ADAM2: variants seen among roughly 807,000 people sequenced by gnomAD.
The protein encoded by ADAM2 is disintegrin and metalloproteinase domain-containing protein 2.
Under a neutral mutation model 99.3 loss-of-function variants are expected in ADAM2, and 101 were observed. The ratio of observed to expected loss-of-function variants is 1.02; its 90% CI spans 0.87 to 1.20. The LOEUF is 1.20. Ranked by LOEUF, ADAM2 falls within the 50% of genes most tolerant of loss-of-function variation. ADAM2 has a pLI of 0.00. For synonymous variants in ADAM2, 323 were observed against 287.6 expected (o/e 1.12, Z -1.25); for missense variants, 948 against 878.7 (o/e 1.08, Z -1.00).
intron 11 of ADAM2, among the ~76,000 whole-genome samples, chr8:39,772,222 AT>A (rs1563347700): frequency 1.3e-5 from 2 of 150,224 alleles, no homozygotes; most frequent in African/African-American, 5.0e-5. Flanking sequence ...TTCATTCTCT[AT>A]TCTCTCACTT....
Position 39,788,105 on chromosome 8 carries a change from A to T in ADAM2, c.789T>A (p.His263Gln). ...CTTACACAAGTAAAAATGCCACATCATGAGGACGTAAAACAAGATAAGATG... is the reference window on the plus strand; with the variant it reads ...CTTACACAAGTAAAAATGCCACATCTTGAGGACGTAAAACAAGATAAGATG... ...WKTSYLVLRP[H>Q]DVAFLLVYRE... The change falls in exon 9 of 21, where the codon CAT becomes CAA. Residue 263 changes from histidine to glutamine, a missense_variant. Coordinates refer to ENST00000265708, the MANE Select transcript of ADAM2 (RefSeq NM_001464.5). 6.5e-7 allele frequency: 1 copy of T among 1,547,734 alleles called. No homozygotes were observed. Among genetic ancestry groups the T allele is most frequent in the Non-Finnish European group, 8.7e-7 (1 of 1,150,500 alleles).
intron 11 of ADAM2, 120 bp downstream of exon 11, chr8:39,776,905 C>G (rs1803011506): frequency 1.6e-6 from 1 of 627,608 alleles, no homozygotes; most frequent in African/African-American, 1.9e-5. Context: ...ACATTTTGGT[C>G]CTGGAGTCCT....
intron 9 of ADAM2, 96 bp downstream of exon 9, chr8:39,787,988 AG>A: frequency 1.3e-6 from 1 of 792,684 alleles, no homozygotes; most frequent in South Asian, 3.8e-5. Flanking sequence ...AGAAAAAAAT[AG>A]ATTTTTTTAA....
At chr8:39,769,857 T>A (rs189328931) in intron 11 of ADAM2, among the ~76,000 whole-genome samples, 1 of 152,344 alleles carries the variant, frequency 6.6e-6, no homozygotes, top group African/African-American at 2.4e-5. Context: ...TGCCCCATGC[T>A]GTTTCATTTG....
At chr8:39,749,577 G>A in intron 17 of ADAM2, 90 bp downstream of exon 17, 1 of 1,279,472 alleles carries the variant, frequency 7.8e-7, no homozygotes, top group Non-Finnish European at 1.1e-6. Flanking sequence ...GTGTGTGTGT[G>A]TGTGTGTGCG....
At chr8:39,779,972 G>T (rs896788115) in intron 10 of ADAM2, among the ~76,000 whole-genome samples, 1 of 151,880 alleles carries the variant, frequency 6.6e-6, no homozygotes, top group Non-Finnish European at 1.5e-5. Flanking sequence ...AGATGTTCAC[G>T]CCAATTCAAA....
chr8:39,804,099 A>T (rs1056561769), intron 7 of ADAM2, among the ~76,000 whole-genome samples: 3 of 152,190 alleles, frequency 2.0e-5, no homozygotes, highest in African/African-American at 7.2e-5. Flanking sequence ...GAGTTTGTGG[A>T]TGTTCTCTTC....
chr8:39,755,694 T>C, intron 16 of ADAM2, 34 bp downstream of exon 16: 1 of 1,534,436 alleles, frequency 6.5e-7, no homozygotes, highest in Non-Finnish European at 9.0e-7. Flanking sequence ...GTCTAAAATA[T>C]TAGGAAATTA....
At position 39,766,952 on chromosome 8, in the gene ADAM2, T is replaced by C. The variant is rs768784812; in HGVS notation, c.1403A>G (p.Asn468Ser). 3 of 1,614,076 alleles carry C rather than the reference T, an allele frequency of 1.9e-6. No individual in the cohort carries two copies. Among genetic ancestry groups the C allele is most frequent in the Non-Finnish European group, 1.7e-6 (2 of 1,179,994 alleles). ...CNGSSASCPE[N>S]HYVQTGHPCG... ...CGGATGCCCAGTCTGAACATAGTGG[T>C]TTTCTGGGCATGATGCAGATGATCC... Residue 468 changes from asparagine (N) to serine (S), a missense_variant, in exon 14 of 21, where the codon AAC (asparagine) becomes AGC (serine). Physicochemically the swap from Asn to Ser is conservative, Grantham distance 46. Transcript: ENST00000265708.
intron 11 of ADAM2, among the ~76,000 whole-genome samples, chr8:39,774,465 A>C (rs1802910240): frequency 6.6e-6 from 1 of 152,076 alleles, no homozygotes; most frequent in African/African-American, 2.4e-5. Context: ...GCTGCAGGAT[A>C]CAAGCTCAAT....
chr8:39,746,842 G>A (rs1370230990), intron 18 of ADAM2, among the ~76,000 whole-genome samples: 2 of 152,022 alleles, frequency 1.3e-5, no homozygotes, highest in Non-Finnish European at 2.9e-5. Context: ...ATATATGGTG[G>A]GCTGATACTT....
intron 7 of ADAM2, among the ~76,000 whole-genome samples, chr8:39,798,253 T>C (rs916788448): frequency 6.6e-6 from 1 of 152,212 alleles, no homozygotes. Flanking sequence ...CATGAAGGGA[T>C]GTTGAATTTT....
chr8:39,789,895 C>A (rs958439906), intron 7 of ADAM2, among the ~76,000 whole-genome samples: 1 of 151,704 alleles, frequency 6.6e-6, no homozygotes, highest in Non-Finnish European at 1.5e-5. Context: ...ATAGACATTT[C>A]TCCAAATAAG....
chr8:39,797,603 A>T (rs567521032), intron 7 of ADAM2, among the ~76,000 whole-genome samples: 1 of 152,342 alleles, frequency 6.6e-6, no homozygotes, highest in Non-Finnish European at 1.5e-5. Flanking sequence ...TGGTAGTTTT[A>T]TGTGAATAGT....
intron 19 of ADAM2, among the ~76,000 whole-genome samples, chr8:39,746,148 C>T (rs111351126): frequency 7.2e-5 from 11 of 152,262 alleles, no homozygotes; most frequent in African/African-American, 2.6e-4. Flanking sequence ...ACCTCAGCCT[C>T]CTGAGTAGCT....
intron 6 of ADAM2, 108 bp from the exon 7 acceptor site, chr8:39,809,574 A>G (rs1464199336): frequency 3.6e-6 from 2 of 562,522 alleles, no homozygotes; most frequent in African/African-American, 3.9e-5. Context: ...AATTTTGCAT[A>G]TAGAAATAAA....
Position 39,749,678 on chromosome 8 carries a change from T to C in ADAM2, c.1864A>G (p.Asn622Asp). The change falls in exon 17 of 21, where the codon AAT becomes GAT. Residue 622 changes from asparagine (N) to aspartate (D), a missense_variant. By Grantham distance (23) the Asn-to-Asp change is conservative. Coordinates refer to ENST00000265708, the MANE Select transcript of ADAM2 (RefSeq NM_001464.5). The stretch of plus-strand genomic sequence containing the variant: ...GTACTGCTACTTACACCTCTATCAT[T>C]GCATTTGTCAGTAGTACAATCATAA... ...LGYDCTTDKCNDRGVCNNKKH... is the reference protein window; with the variant it reads ...LGYDCTTDKCDDRGVCNNKKH... 6.2e-7 allele frequency: 1 copy of C among 1,611,496 alleles called. No individual in the cohort carries two copies. Among genetic ancestry groups the C allele is most frequent in the Non-Finnish European group, 8.5e-7 (1 of 1,178,302 alleles).
intron 6 of ADAM2, chr8:39,817,949 A>C (rs1331488881): frequency 6.6e-6 from 1 of 151,910 alleles, no homozygotes; most frequent in Non-Finnish European, 1.5e-5. Flanking sequence ...AAAAAATTTA[A>C]TTACTAATAA....
intron 6 of ADAM2, among the ~76,000 whole-genome samples, chr8:39,817,269 T>C (rs1804985755): frequency 6.6e-6 from 1 of 152,112 alleles, no homozygotes; most frequent in Non-Finnish European, 1.5e-5. Context: ...TAAATAACCT[T>C]GGCAACTAGA....
Sources: gnomAD v4.1 joint callset for allele counts (sites outside exome capture counted in the v4.1 genomes callset) on GRCh38, gnomAD v4.1.1 for gene constraint, MANE v1.5 for transcripts, NCBI Gene and HGNC (gene_info 2026-07-23, HGNC 2026-07-21) for gene names.